Variants in WRN observed in about 807,000 individuals in gnomAD.
WRN encodes the protein bifunctional 3'-5' exonuclease/ATP-dependent helicase WRN.
WRN carries 149 observed loss-of-function variants against 180.7 expected under a neutral mutation model. The ratio of observed to expected loss-of-function variants is 0.82; its 90% confidence interval spans 0.72 to 0.94. WRN has a LOEUF of 0.94. WRN is among the 40% of genes least tolerant of loss of function. WRN has a pLI of 0.00. For synonymous variants in WRN, 548 were observed against 568.9 expected, an observed-to-expected ratio of 0.96 and a Z score of 0.52; for missense variants, 1,661 against 1,700.1, an observed-to-expected ratio of 0.98 and a Z score of 0.40.
intron 1 of WRN, among the ~76,000 whole-genome samples, chr8:31,048,372 T>A (rs1432672859): frequency 6.6e-6 from 1 of 152,224 alleles, no homozygotes; most frequent in Non-Finnish European, 1.5e-5. Flanking sequence ...TCTGTTTTCC[T>A]CTACCCCTTC....
intron 11 of WRN, among the ~76,000 whole-genome samples, chr8:31,087,306 CTT>C (rs1813570504): frequency 1.3e-5 from 2 of 152,084 alleles, no homozygotes; most frequent in Admixed American, 6.6e-5. Flanking sequence ...TGATTTGAAT[CTT>C]TTGTTGTTTT....
rs1434118877 is a variant in WRN, at chr8:31,090,463, A to T, written c.1653-2A>T. The T allele has an allele frequency of 1.9e-6, 3 of 1,611,766 alleles. No homozygotes were observed. Among genetic ancestry groups the T allele is most frequent in the Non-Finnish European group, 2.5e-6 (3 of 1,178,440 alleles). On this transcript the variant is annotated splice_acceptor_variant, in intron 13 of 34. Coordinates refer to ENST00000298139, the MANE Select transcript of WRN (RefSeq NM_000553.6). LOFTEE classifies it high-confidence loss of function. Reference sequence around the variant, plus strand: ...AATAGCTTTTTGCTTTTCACCTTCAAGAGTTCAGTGGAAAGTGATTCATTC... The same window carrying T: ...AATAGCTTTTTGCTTTTCACCTTCATGAGTTCAGTGGAAAGTGATTCATTC...
At chr8:31,045,444 C>T (rs1811824106) in intron 1 of WRN, among the ~76,000 whole-genome samples, 1 of 151,464 alleles carries the variant, frequency 6.6e-6, no homozygotes, top group Non-Finnish European at 1.5e-5. Context: ...TTCTTATTGC[C>T]CAGGCTGGAG....
intron 23 of WRN, among the ~76,000 whole-genome samples, chr8:31,127,634 T>C (rs935564284): frequency 3.3e-5 from 5 of 152,074 alleles, no homozygotes; most frequent in Non-Finnish European, 7.4e-5. Flanking sequence ...AGTAACTTGC[T>C]GGTGCGGTGG....
Position 31,060,029 on chromosome 8 carries a change from C to G in WRN, c.209+764C>G, listed in dbSNP as rs11574184. ...CAAGATTGCATCACTGCACTCCAGC[C>G]TGGGCGACAGAGTGAGGCTCCGTCT... On this transcript the variant is annotated intron_variant, in intron 3 of 34. Transcript: ENST00000298139. 1.2e-3 allele frequency among the ~76,000 whole-genome samples: 186 copies of G among 151,698 alleles called. 2 individuals carry two copies. The highest frequency in any genetic ancestry group is 4.3e-3 in the African/African-American group (176 of 41,346).
At chr8:31,064,256 ATAAAT>A in intron 3 of WRN, 28 bp from the exon 4 acceptor site, 5 of 1,612,820 alleles carry the variant, frequency 3.1e-6, no homozygotes, top group South Asian at 2.2e-5. Context: ...AAATTTTAAC[ATAAAT>A]TAATTTACAC....
chr8:31,037,545 C>T (rs988226540), intron 1 of WRN, among the ~76,000 whole-genome samples: 2 of 152,132 alleles, frequency 1.3e-5, no homozygotes, highest in Admixed American at 1.3e-4. Flanking sequence ...AGTCTTTAGT[C>T]CATTTTGAGT....
intron 23 of WRN, among the ~76,000 whole-genome samples, chr8:31,130,633 T>C (rs114470782): frequency 0.012 from 1,471 of 123,650 alleles, 27 homozygotes; most frequent in African/African-American, 0.04. Flanking sequence ...TTTTTTTTTT[T>C]CATTTTAAAG....
At chr8:31,120,698 A>G (rs1801692681) in intron 21 of WRN, among the ~76,000 whole-genome samples, 1 of 151,982 alleles carries the variant, frequency 6.6e-6, no homozygotes. Flanking sequence ...TGGGCCTGTC[A>G]CAGAGATCCT....
intron 11 of WRN, 142 bp from the exon 12 acceptor site, chr8:31,087,634 A>G (rs372469598): frequency 7.8e-6 from 6 of 769,750 alleles, no homozygotes; most frequent in African/African-American, 1.7e-5. Context: ...CGGAGCACAC[A>G]TGTTCTTTTG....
intron 7 of WRN, among the ~76,000 whole-genome samples, chr8:31,070,066 A>G (rs1176974675): frequency 1.3e-5 from 2 of 151,804 alleles, no homozygotes; most frequent in Non-Finnish European, 2.9e-5. Flanking sequence ...ATTACATTAT[A>G]TGTGTGAGTA....
chr8:31,084,033 C>CT (rs1286804818), intron 10 of WRN, among the ~76,000 whole-genome samples: 1 of 152,248 alleles, frequency 6.6e-6, no homozygotes, highest in African/African-American at 2.4e-5. Context: ...GGGTCTCACT[C>CT]TATCACCCAG....
intron 26 of WRN, 87 bp downstream of exon 26, chr8:31,141,862 A>C: frequency 3.9e-6 from 5 of 1,292,280 alleles, no homozygotes; most frequent in Non-Finnish European, 5.5e-6. Flanking sequence ...TAGGCCTCTC[A>C]CAAGTAAAAT....
chr8:31,101,323 A>C (rs1242546467), intron 18 of WRN, among the ~76,000 whole-genome samples: 1 of 152,114 alleles, frequency 6.6e-6, no homozygotes, highest in Non-Finnish European at 1.5e-5. Flanking sequence ...TATTTGTCCG[A>C]ATGTCTTCTC....
chr8:31,140,743 G>T (rs746501469), intron 24 of WRN, among the ~76,000 whole-genome samples: 1 of 151,860 alleles, frequency 6.6e-6, no homozygotes, highest in Non-Finnish European at 1.5e-5. Flanking sequence ...TTCGCATTGC[G>T]TTTTTTTGTT....
intron 34 of WRN, among the ~76,000 whole-genome samples, chr8:31,169,856 G>C (rs754320617): frequency 6.7e-6 from 1 of 150,368 alleles, no homozygotes; most frequent in East Asian, 1.9e-4. Context: ...AGGCAGCCTC[G>C]GCTAGTCCCA....
chr8:31,158,960 GTTC>G (rs1263598044), intron 33 of WRN, among the ~76,000 whole-genome samples: 3 of 151,970 alleles, frequency 2.0e-5, no homozygotes, highest in Non-Finnish European at 2.9e-5. Context: ...AATACTGCAT[GTTC>G]TTACTTACAA....
intron 28 of WRN, among the ~76,000 whole-genome samples, chr8:31,145,669 T>TA (rs1386140298): frequency 1.3e-5 from 2 of 152,202 alleles, no homozygotes; most frequent in African/African-American, 2.4e-5. Context: ...TGTAATGCTT[T>TA]AGCTTCTGTA....
At chr8:31,138,942 T>C (rs1802502221) in intron 24 of WRN, among the ~76,000 whole-genome samples, 1 of 150,154 alleles carries the variant, frequency 6.7e-6, no homozygotes, top group Admixed American at 6.6e-5. Flanking sequence ...AGCCTATTTT[T>C]TGGCAAATCT....
Sources: allele counts gnomAD v4.1 joint callset (sites outside exome capture counted in the v4.1 genomes callset), GRCh38; gene constraint gnomAD v4.1.1; transcripts MANE v1.5; gene names NCBI Gene and HGNC (gene_info 2026-07-23, HGNC 2026-07-21).